SCN1A: variants seen among roughly 807,000 people sequenced by gnomAD.
SCN1A encodes sodium voltage-gated channel alpha subunit 1, also known as sodium channel protein type 1 subunit alpha.
In SCN1A, 13 loss-of-function variants were observed where a neutral mutation model predicts 193.7. The ratio of observed to expected loss-of-function variants is 0.07; its 90% CI spans 0.04 to 0.11. The LOEUF (loss-of-function observed/expected upper bound fraction) is 0.11, where lower values mean the gene tolerates loss of function less well. Ranked by LOEUF, SCN1A falls within the 10% of genes least tolerant of loss-of-function variation. The pLI is 1.00. For synonymous variants in SCN1A, 781 were observed against 843.6 expected, an observed-to-expected ratio of 0.93 and a Z score of 1.29; for missense variants, 1,432 against 2,451.1, an observed-to-expected ratio of 0.58 and a Z score of 8.78.
At chr2:166,000,944 C>T (rs1690743782) in intron 24 of SCN1A, among the ~76,000 whole-genome samples, 1 of 149,298 alleles carries the variant, frequency 6.7e-6, no homozygotes, top group Admixed American at 6.7e-5. Context: ...TTGTGCAGGA[C>T]CATCACTGTA....
intron 23 of SCN1A, among the ~76,000 whole-genome samples, chr2:166,003,481 A>G (rs967484103): frequency 4.6e-5 from 7 of 151,554 alleles, no homozygotes; most frequent in African/African-American, 1.7e-4. Context: ...TAGTTCTCAA[A>G]TCTGATGTGA....
intron 2 of SCN1A, among the ~76,000 whole-genome samples, chr2:166,097,088 C>T (rs537514520): frequency 7.9e-4 from 120 of 152,116 alleles, no homozygotes; most frequent in African/African-American, 2.7e-3. Context: ...GTGGCATGAT[C>T]GCGGCTCACT....
rs564026549 is a variant in SCN1A, at chr2:166,010,629, G to T, written c.3880-788C>A. ...TTACTAAAACTTTGTATTCAAGGAA[G>T]ATTATAACTTATTTGGTTAGAAAGA... On this transcript the variant is annotated intron_variant, in intron 22 of 28. Coordinates refer to ENST00000674923, the MANE Select transcript of SCN1A (RefSeq NM_001165963.4). Among the ~76,000 whole-genome samples the T allele has an allele frequency of 7.5e-4, 114 of 151,316 alleles. 1 individual carries two copies. The highest frequency in any genetic ancestry group is 1.4e-3 in the Non-Finnish European group (92 of 67,402).
At chr2:166,132,205 T>G (rs1691687883), upstream of SCN1A, among the ~76,000 whole-genome samples, 1 of 152,184 alleles carries the variant, frequency 6.6e-6, no homozygotes, top group South Asian at 2.1e-4. Context: ...AGAGTTTGGA[T>G]TTAAACTCAG....
chr2:166,042,184 T>C (rs1697264311), intron 15 of SCN1A, 108 bp downstream of exon 15: 3 of 1,078,834 alleles, frequency 2.8e-6, no homozygotes, highest in Non-Finnish European at 2.7e-6. Flanking sequence ...AATTAGACTG[T>C]CTTTTCATTA....
At chr2:165,999,873 T>C in intron 24 of SCN1A, 97 bp from the exon 25 acceptor site, 1 of 991,778 alleles carries the variant, frequency 1.0e-6, no homozygotes, top group Non-Finnish European at 1.6e-6. Flanking sequence ...CAAAAGGGAA[T>C]ATTTTTGAAA....
intron 1 of SCN1A, among the ~76,000 whole-genome samples, chr2:166,143,528 T>C (rs897264076): frequency 1.3e-5 from 2 of 152,166 alleles, no homozygotes; most frequent in Non-Finnish European, 2.9e-5. Context: ...AAGGATGTAT[T>C]TTGGGGTAAA....
At chr2:166,054,392 A>G (rs1698914777) in intron 7 of SCN1A, among the ~76,000 whole-genome samples, 1 of 151,916 alleles carries the variant, frequency 6.6e-6, no homozygotes, top group Admixed American at 6.6e-5. Context: ...TGTGTGGAAG[A>G]GTGGCATATG....
At chr2:166,075,016 T>C (rs6722462) in intron 3 of SCN1A, among the ~76,000 whole-genome samples, 74,315 of 151,910 alleles carry the variant, frequency 0.49, 19,758 homozygotes, top group East Asian at 0.74. Flanking sequence ...GAATAGGTTG[T>C]CTGTAAATCA....
At chr2:166,051,464 A>G (rs1335011872) in intron 9 of SCN1A, among the ~76,000 whole-genome samples, 3 of 152,040 alleles carry the variant, frequency 2.0e-5, no homozygotes, top group Non-Finnish European at 4.4e-5. Context: ...AAAAGACCAA[A>G]TATACATGAT....
At chr2:165,993,939 G>A (rs139604390) in intron 28 of SCN1A, 7,103 of 588,444 alleles carry the variant, frequency 0.012, 66 homozygotes, top group Non-Finnish European at 0.016. Context: ...TTTACACTAA[G>A]TATATTGTTC....
At chr2:166,138,520 A>G (rs776342527) in intron 1 of SCN1A, among the ~76,000 whole-genome samples, 8 of 152,222 alleles carry the variant, frequency 5.3e-5, no homozygotes, top group South Asian at 2.1e-4. Context: ...AAGCCTTGGC[A>G]GCTCCCACGT....
intron 2 of SCN1A, among the ~76,000 whole-genome samples, chr2:166,119,083 G>A (rs970443182): frequency 6.6e-6 from 1 of 152,176 alleles, no homozygotes; most frequent in Non-Finnish European, 1.5e-5. Flanking sequence ...GATCTGACAG[G>A]AGGCGGAGCT....
At chr2:165,999,883 A>AT in intron 24 of SCN1A, 107 bp from the exon 25 acceptor site, 1 of 926,686 alleles carries the variant, frequency 1.1e-6, no homozygotes, top group Non-Finnish European at 1.8e-6. Context: ...TATTTTTGAA[A>AT]GACATTTCAA....
intron 1 of SCN1A, among the ~76,000 whole-genome samples, chr2:166,133,065 G>A (rs1691722317): frequency 6.6e-6 from 1 of 152,140 alleles, no homozygotes; most frequent in South Asian, 2.1e-4. Flanking sequence ...TCCTTAGAGA[G>A]AGAATGCCAG....
At chr2:166,035,005 T>G (rs1450625789) in intron 19 of SCN1A, among the ~76,000 whole-genome samples, 1 of 152,154 alleles carries the variant, frequency 6.6e-6, no homozygotes, top group Non-Finnish European at 1.5e-5. Context: ...AGCCACCCAG[T>G]TATGGTATAG....
chr2:166,069,402 A>G (rs537922331), intron 4 of SCN1A, among the ~76,000 whole-genome samples: 1 of 152,336 alleles, frequency 6.6e-6, no homozygotes, highest in East Asian at 1.9e-4. Context: ...TGCTTTAACA[A>G]TTTTAGTAGA....
At chr2:166,005,035 G>A (rs566077534) in intron 23 of SCN1A, among the ~76,000 whole-genome samples, 1 of 151,364 alleles carries the variant, frequency 6.6e-6, no homozygotes, top group Admixed American at 6.6e-5. Flanking sequence ...CCTATAAATA[G>A]CATTTAGTGC....
intron 12 of SCN1A, 106 bp from the exon 13 acceptor site, chr2:166,045,433 T>C (rs984262349): frequency 8.0e-7 from 1 of 1,252,586 alleles, no homozygotes; most frequent in Non-Finnish European, 1.1e-6. Context: ...TTGAACTGAC[T>C]GAAGATCATC....
Sources: gnomAD v4.1 joint callset for allele counts (sites outside exome capture counted in the v4.1 genomes callset) on GRCh38, gnomAD v4.1.1 for gene constraint, MANE v1.5 for transcripts, NCBI Gene and HGNC (gene_info 2026-07-23, HGNC 2026-07-21) for gene names.